Variants in SLCO1B3 observed in about 807,000 individuals in gnomAD.
The protein encoded by SLCO1B3 is liver-specific organic anion transporter 2.
In SLCO1B3, 72 loss-of-function variants were observed where a neutral mutation model predicts 71.8. The observed-to-expected ratio is 1.00, with a 90% confidence interval of 0.83 to 1.22. The LOEUF is 1.22. Ranked by LOEUF, SLCO1B3 falls within the 50% of genes most tolerant of loss-of-function variation. SLCO1B3 has a pLI of 0.00. For missense variants in SLCO1B3, 911 were observed against 819.7 expected (o/e 1.11, Z -1.36); for synonymous variants, 298 against 278.4 (o/e 1.07, Z -0.70).
At chr12:20,860,222 TG>T (rs1222263932) in intron 5 of SLCO1B3, among the ~76,000 whole-genome samples, 5 of 152,206 alleles carry the variant, frequency 3.3e-5, no homozygotes, top group Admixed American at 1.3e-4. Flanking sequence ...CCCAAAGTGC[TG>T]GGATTACAGG....
rs1245569181 is a variant in SLCO1B3 at position 20,817,670 on chromosome 12, C to T, written c.84+1848C>T. The stretch of plus-strand genomic sequence containing the variant: ...TGGCATGATCTCGGCTCACTGCAAG[C>T]TCCACCTGCTGGGTTCATGCCATTA... On this transcript the variant is annotated intron_variant, in intron 3 of 15. Coordinates refer to ENST00000381545, the MANE Select transcript of SLCO1B3 (RefSeq NM_019844.4). Among the ~76,000 whole-genome samples the T allele has an allele frequency of 3.3e-5, 5 of 152,252 alleles. No individual in the cohort carries two copies. In the East Asian group the frequency reaches 7.7e-4, roughly 24 times the overall value.
intron 3 of SLCO1B3, among the ~76,000 whole-genome samples, chr12:20,845,588 A>G (rs1010185738): frequency 6.6e-6 from 1 of 151,056 alleles, no homozygotes; most frequent in Admixed American, 6.7e-5. Flanking sequence ...TAAAGAAAAT[A>G]TGTTTGGAGG....
intron 1 of SLCO1B3, among the ~76,000 whole-genome samples, chr12:20,812,922 C>G (rs1314797615): frequency 6.6e-6 from 1 of 152,096 alleles, no homozygotes; most frequent in African/African-American, 2.4e-5. Flanking sequence ...TATTTTCCAA[C>G]TTTTAAATTA....
At chr12:20,871,165 A>G (rs1865468131) in intron 8 of SLCO1B3, among the ~76,000 whole-genome samples, 1 of 152,054 alleles carries the variant, frequency 6.6e-6, no homozygotes, top group South Asian at 2.1e-4. Flanking sequence ...TGTTTGTTTG[A>G]TTTTGGTATC....
At chr12:20,858,832 A>G (rs1865196447) in intron 5 of SLCO1B3, 1 of 198,362 alleles carries the variant, frequency 5.0e-6, no homozygotes, top group Admixed American at 5.8e-5. Flanking sequence ...TGAAATGAAT[A>G]TCTTATTTAC....
intron 3 of SLCO1B3, among the ~76,000 whole-genome samples, chr12:20,838,065 T>C (rs976171653): frequency 2.0e-5 from 3 of 151,990 alleles, no homozygotes; most frequent in Non-Finnish European, 4.4e-5. Flanking sequence ...GATGTCCTTA[T>C]TATTCTGTAA....
At chr12:20,914,458 T>C (rs1866451677) in intron 15 of SLCO1B3, among the ~76,000 whole-genome samples, 2 of 152,090 alleles carry the variant, frequency 1.3e-5, no homozygotes, top group Non-Finnish European at 2.9e-5. Flanking sequence ...TTTACTCCAC[T>C]TACTGTAAGC....
chr12:20,855,029 T>C lies in SLCO1B3; in HGVS notation c.86T>C (p.Met29Thr). The part of the protein sequence containing the change: ...KKTRRCNGFK[M>T]FLAALSFSYI... Reference sequence around the variant, plus strand: ...CATTTTTTCTTCTATTGTTTTTAGATGTTCTTGGCAGCCCTGTCATTCAGC... The same window carrying C: ...CATTTTTTCTTCTATTGTTTTTAGACGTTCTTGGCAGCCCTGTCATTCAGC... Residue 29 changes from methionine to threonine, a missense_variant and splice_region_variant, in exon 4 of 16, where the codon ATG (methionine) becomes ACG (threonine). By Grantham distance (81) the Met-to-Thr change is moderately conservative (BLOSUM62 -1). Coordinates refer to ENST00000381545, the MANE Select transcript of SLCO1B3 (RefSeq NM_019844.4). 1 of 1,609,216 alleles carries C rather than the reference T, an allele frequency of 6.2e-7. No individual in the cohort carries two copies. Among genetic ancestry groups the C allele is most frequent in the East Asian group, 2.2e-5 (1 of 44,828 alleles).
chr12:20,875,085 G>T, intron 8 of SLCO1B3, 150 bp from the exon 9 acceptor site: 1 of 1,060,490 alleles, frequency 9.4e-7, no homozygotes, highest in Non-Finnish European at 1.4e-6. Context: ...AACAAAATAT[G>T]AAAAGAAGAA....
rs376704813 is a variant in SLCO1B3, at chr12:20,822,060, G to A, written c.84+6238G>A. Among the ~76,000 whole-genome samples, 15 of 152,330 alleles carry A rather than the reference G, an allele frequency of 9.8e-5. No homozygotes were observed. In the East Asian group the frequency reaches 2.7e-3, roughly 28 times the overall value. On this transcript the variant is annotated intron_variant, in intron 3 of 15. Transcript: ENST00000381545. ...TTACCGGATTTGAAATTGGTGAGAT[G>A]TTTCTTGGGCTGGTCGGTCTGAGGA...
chr12:20,860,508 C>G (rs1294727718), intron 5 of SLCO1B3, among the ~76,000 whole-genome samples: 1 of 151,978 alleles, frequency 6.6e-6, no homozygotes, highest in Admixed American at 6.6e-5. Flanking sequence ...TGTCCCTGAT[C>G]CAGCTCCATC....
At position 20,879,609 on chromosome 12, in the gene SLCO1B3, G is replaced by T; in HGVS notation, c.1309G>T (p.Gly437Cys). 1.9e-6 allele frequency: 3 copies of T among 1,610,274 alleles called. No homozygotes were observed. The highest frequency in any genetic ancestry group is 2.5e-6 in the Non-Finnish European group (3 of 1,177,950). The change falls in exon 11 of 16, where the codon GGC becomes TGC. Residue 437 changes from glycine to cysteine, a missense_variant. Physicochemically the swap from Gly to Cys is radical, Grantham distance 159. Transcript: ENST00000381545. ...PLICESKSVA[G>C]LTLTYDGNNS... ...AATCTGCGAAAGCAAATCAGTTGCC[G>T]GCCTAACCTTGACCTATGATGGGTT...
intron 14 of SLCO1B3, among the ~76,000 whole-genome samples, chr12:20,899,313 G>A (rs1023936998): frequency 6.6e-6 from 1 of 152,088 alleles, no homozygotes; most frequent in Non-Finnish European, 1.5e-5. Context: ...GCTTATTCCT[G>A]GGAAGTAGGA....
At chr12:20,907,668 C>T (rs1224523126) in intron 15 of SLCO1B3, among the ~76,000 whole-genome samples, 1 of 151,714 alleles carries the variant, frequency 6.6e-6, no homozygotes, top group African/African-American at 2.4e-5. Context: ...GCCATTACGG[C>T]AGGCTAATTT....
intron 12 of SLCO1B3, among the ~76,000 whole-genome samples, chr12:20,883,084 T>C (rs996697725): frequency 6.6e-6 from 1 of 152,182 alleles, no homozygotes; most frequent in Non-Finnish European, 1.5e-5. Context: ...TCTGGATTCT[T>C]TTGGTAGTTC....
chr12:20,879,653 A>T, intron 11 of SLCO1B3, 22 bp downstream of exon 11: 1 of 1,467,698 alleles, frequency 6.8e-7, no homozygotes, highest in Non-Finnish European at 9.3e-7. Context: ...TTGCTATATA[A>T]ATTGTGTAAT....
intron 3 of SLCO1B3, among the ~76,000 whole-genome samples, chr12:20,816,367 A>C (rs758976910): frequency 6.6e-6 from 1 of 152,056 alleles, no homozygotes; most frequent in Non-Finnish European, 1.5e-5. Flanking sequence ...GACCCTTTCC[A>C]GCCTCTGGTA....
chr12:20,831,683 G>A, intron 3 of SLCO1B3, among the ~76,000 whole-genome samples: 1 of 152,178 alleles, frequency 6.6e-6, no homozygotes, highest in Non-Finnish European at 1.5e-5. Flanking sequence ...TATCAACAAA[G>A]TACTGTTTCA....
chr12:20,898,540 T>TATTTAAC, intron 14 of SLCO1B3, 40 bp downstream of exon 14: 1 of 1,021,112 alleles, frequency 9.8e-7, no homozygotes, highest in Non-Finnish European at 1.5e-6. Flanking sequence ...AACATATAAA[T>TATTTAAC]ATTAATGTTA....
Sources: gnomAD v4.1 joint callset for allele counts (sites outside exome capture counted in the v4.1 genomes callset) on GRCh38, gnomAD v4.1.1 for gene constraint, MANE v1.5 for transcripts, NCBI Gene and HGNC (gene_info 2026-07-23, HGNC 2026-07-21) for gene names.